The following LRP6 variants were observed in gnomAD, a reference collection of about 807,000 sequenced individuals.
The protein encoded by LRP6 is low-density lipoprotein receptor-related protein 6.
Under a neutral mutation model 184.1 loss-of-function variants are expected in LRP6, and 43 were observed. The observed-to-expected ratio is 0.23, with a 90% CI of 0.18 to 0.30. LRP6 has a LOEUF of 0.30. Ranked by LOEUF, LRP6 falls within the 10% of genes least tolerant of loss-of-function variation. The probability of loss-of-function intolerance (pLI) is 1.00; values close to 1 mark genes in which losing one functional copy is unlikely to be tolerated. For synonymous variants in LRP6, 719 were observed against 684.9 expected (o/e 1.05, Z -0.78); for missense variants, 1,571 against 2,005.3 (o/e 0.78, Z 4.14).
intron 15 of LRP6, among the ~76,000 whole-genome samples, chr12:12,146,771 G>A (rs1950013238): frequency 6.6e-6 from 1 of 152,208 alleles, no homozygotes; most frequent in Non-Finnish European, 1.5e-5. Context: ...AGAAAAACTG[G>A]CAGGGAGATC....
chr12:12,211,054 T>C (rs1476738972), intron 2 of LRP6: 13 of 152,142 alleles, frequency 8.5e-5, no homozygotes, highest in Non-Finnish European at 1.2e-4. Context: ...TAAAAACAAG[T>C]AGAAATTAAT....
rs544912320 is a variant in LRP6, at chr12:12,191,262, C to T, written c.648-4143G>A. ...TTCCCGGGCTCCCTTCCAGACAAAG[C>T]GTCATACTGAAGAGAAATCACTGGG... On this transcript the variant is annotated intron_variant, in intron 3 of 22. Coordinates refer to ENST00000261349, the MANE Select transcript of LRP6 (RefSeq NM_002336.3). Among the ~76,000 whole-genome samples, 19 of 152,184 alleles carry T rather than the reference C, an allele frequency of 1.2e-4. No individual in the cohort carries two copies. The South Asian group carries it at 3.7e-3, about 30-fold the overall frequency.
Position 12,260,915 on chromosome 12 carries a change from A to G in LRP6, c.55+5766T>C, listed in dbSNP as rs541930280. On this transcript the variant is annotated intron_variant, in intron 1 of 22. Transcript: ENST00000261349. The stretch of plus-strand genomic sequence containing the variant: ...CAGAGTAGTTACCCATGGCCTAAAT[A>G]GCACTAAACATTATTTTTCCAGTAT... 8.5e-5 allele frequency among the ~76,000 whole-genome samples: 13 copies of G among 152,342 alleles called. No individual in the cohort carries two copies. The South Asian group carries it at 2.7e-3, about 32-fold the overall frequency.
intron 9 of LRP6, 68 bp from the exon 10 acceptor site, chr12:12,162,487 GT>G (rs1180088487): frequency 1.7e-5 from 24 of 1,423,938 alleles, no homozygotes; most frequent in Non-Finnish European, 2.4e-5. Context: ...AGAAGGTTTG[GT>G]TTGGTTTTTG....
intron 2 of LRP6, among the ~76,000 whole-genome samples, chr12:12,214,361 A>G (rs1345030106): frequency 6.6e-6 from 1 of 152,200 alleles, no homozygotes; most frequent in Non-Finnish European, 1.5e-5. Context: ...CCCCCTTACC[A>G]GTAAAGATAA....
At chr12:12,222,897 A>G (rs1485985740) in intron 2 of LRP6, among the ~76,000 whole-genome samples, 2 of 152,128 alleles carry the variant, frequency 1.3e-5, no homozygotes, top group Non-Finnish European at 2.9e-5. Flanking sequence ...ACTAACGAAT[A>G]TTTCTAGGAT....
At chr12:12,155,253 T>C (rs2136928983) in intron 12 of LRP6, 1 of 737,248 alleles carries the variant, frequency 1.4e-6, no homozygotes, top group East Asian at 2.5e-5. Context: ...CTTCCAGTAA[T>C]TTGCCAAAAT....
At chr12:12,204,562 C>CA (rs1864002173) in intron 2 of LRP6, among the ~76,000 whole-genome samples, 1 of 148,326 alleles carries the variant, frequency 6.7e-6, no homozygotes, top group Non-Finnish European at 1.5e-5. Context: ...GAAGACTTTT[C>CA]AAAATAAAAA....
chr12:12,195,706 T>C (rs1364402572), intron 3 of LRP6, among the ~76,000 whole-genome samples: 1 of 152,164 alleles, frequency 6.6e-6, no homozygotes, highest in Non-Finnish European at 1.5e-5. Flanking sequence ...ATAATGCATC[T>C]GGTATTTTTT....
At chr12:12,164,165 C>T in intron 9 of LRP6, 108 bp downstream of exon 9, 1 of 936,824 alleles carries the variant, frequency 1.1e-6, no homozygotes, top group South Asian at 1.5e-5. Context: ...TTTTGTTGAA[C>T]TCTGCCTGTC....
chr12:12,144,225 T>C (rs528721801), intron 15 of LRP6, among the ~76,000 whole-genome samples: 10 of 152,354 alleles, frequency 6.6e-5, no homozygotes, highest in Non-Finnish European at 1.2e-4. Context: ...GGGTTATTTT[T>C]TGAGACAGGG....
At chr12:12,201,728 T>C (rs1396017518) in intron 3 of LRP6, among the ~76,000 whole-genome samples, 2 of 152,206 alleles carry the variant, frequency 1.3e-5, no homozygotes, top group African/African-American at 4.8e-5. Context: ...TCCATCTTCC[T>C]AGACTCCCCC....
rs1397428568 is a variant in LRP6, at chr12:12,187,020, A to C, written c.747T>G (p.Ala249=). The change falls in exon 4 of 23, where the codon GCT becomes GCG. Residue 249 remains alanine (A), a synonymous_variant. Coordinates refer to ENST00000261349, the MANE Select transcript of LRP6 (RefSeq NM_002336.3). ...GACCCTCACCAGTATACTTGTTGCA[A>C]GCCAAAATGGAGTGTGTGCTCCAGT... ...WTDWSTHSIL[A]CNKYTGEGLR... is the part of the protein sequence containing the mutation. 7 of 1,614,202 alleles carry C rather than the reference A, an allele frequency of 4.3e-6. No individual in the cohort carries two copies. The highest frequency in any genetic ancestry group is 5.9e-6 in the Non-Finnish European group (7 of 1,180,024).
chr12:12,217,051 G>C (rs1289361993), intron 2 of LRP6, among the ~76,000 whole-genome samples: 1 of 151,978 alleles, frequency 6.6e-6, no homozygotes, highest in Non-Finnish European at 1.5e-5. Flanking sequence ...CTTTATAACT[G>C]GGGTCCCCAA....
intron 15 of LRP6, 40 bp from the exon 16 acceptor site, chr12:12,138,574 GGTCAA>G: frequency 6.5e-7 from 1 of 1,532,642 alleles, no homozygotes; most frequent in East Asian, 2.3e-5. Context: ...GACTCATGTG[GGTCAA>G]GTTATACTTT....
chr12:12,255,703 T>C (rs1003206498), intron 1 of LRP6, among the ~76,000 whole-genome samples: 1 of 151,492 alleles, frequency 6.6e-6, no homozygotes, highest in Admixed American at 6.6e-5. Flanking sequence ...CTCAAGCAGC[T>C]GGGATTATAG....
At chr12:12,145,389 CAT>C (rs1228995270) in intron 15 of LRP6, among the ~76,000 whole-genome samples, 1 of 152,036 alleles carries the variant, frequency 6.6e-6, no homozygotes, top group Non-Finnish European at 1.5e-5. Flanking sequence ...CAAAAATGTA[CAT>C]GATACAGGAG....
chr12:12,217,124 G>A (rs1391699778), intron 2 of LRP6, among the ~76,000 whole-genome samples: 1 of 152,168 alleles, frequency 6.6e-6, no homozygotes, highest in African/African-American at 2.4e-5. Flanking sequence ...ACAGCAGGAG[G>A]TGAGCAACAG....
intron 3 of LRP6, among the ~76,000 whole-genome samples, chr12:12,199,250 C>T (rs776810354): frequency 6.6e-6 from 1 of 151,818 alleles, no homozygotes; most frequent in African/African-American, 2.4e-5. Context: ...TATAAAAGTA[C>T]GTAGGGTCAA....
Sources: allele counts gnomAD v4.1 joint callset (sites outside exome capture counted in the v4.1 genomes callset), GRCh38; gene constraint gnomAD v4.1.1; transcripts MANE v1.5; gene names NCBI Gene and HGNC (gene_info 2026-07-23, HGNC 2026-07-21).